Variants in CSMD3 observed in about 807,000 individuals in gnomAD.
CSMD3 encodes the protein CUB and Sushi multiple domains 3, also known as CUB and sushi domain-containing protein 3.
CSMD3 carries 177 observed loss-of-function variants against 435.2 expected under a neutral mutation model. That is an observed-to-expected ratio of 0.41 (90% CI 0.36 to 0.46). The LOEUF is 0.46. CSMD3 is among the 20% of genes least tolerant of loss of function. The pLI is 0.34. For missense variants in CSMD3, 4,265 were observed against 4,504.6 expected (o/e 0.95, Z 1.52); for synonymous variants, 1,656 against 1,520.5 (o/e 1.09, Z -2.07).
At chr8:113,052,738 A>G (rs1209536852) in intron 5 of CSMD3, among the ~76,000 whole-genome samples, 1 of 152,192 alleles carries the variant, frequency 6.6e-6, no homozygotes, top group Non-Finnish European at 1.5e-5. Context: ...TTATCATACT[A>G]CTGCACTGCA....
intron 4 of CSMD3, among the ~76,000 whole-genome samples, chr8:113,145,488 G>C (rs1055994720): frequency 6.6e-6 from 1 of 151,512 alleles, no homozygotes; most frequent in African/African-American, 2.4e-5. Flanking sequence ...TTTATCATTA[G>C]TGTTGCCATG....
chr8:113,029,557 A>T lies in CSMD3; in HGVS notation c.918-10378T>A, dbSNP rs1288728834. On this transcript the variant is annotated intron_variant, in intron 5 of 70. Transcript: ENST00000297405. ...TCATCACAATAGATGCAGCAAAAAC[A>T]TTCAACAAGATCCAGCATCCATTTA... is the stretch of plus-strand genomic sequence containing the variant. 2.0e-5 allele frequency among the ~76,000 whole-genome samples: 3 copies of T among 151,616 alleles called. 1 individual carries two copies. Among genetic ancestry groups the T allele is most frequent in the Non-Finnish European group, 4.4e-5 (3 of 67,764 alleles).
At chr8:113,184,680 A>C (rs2092472624) in intron 3 of CSMD3, among the ~76,000 whole-genome samples, 1 of 152,060 alleles carries the variant, frequency 6.6e-6, no homozygotes, top group African/African-American at 2.4e-5. Flanking sequence ...TTAGTCTATC[A>C]TATTGTATGA....
intron 27 of CSMD3, among the ~76,000 whole-genome samples, chr8:112,530,666 G>T (rs1825436992): frequency 6.6e-6 from 1 of 152,152 alleles, no homozygotes; most frequent in Admixed American, 6.6e-5. Context: ...TGAAATGAAA[G>T]GATTCTACAC....
chr8:112,472,482 A>T, intron 32 of CSMD3, 109 bp downstream of exon 32: 1 of 754,472 alleles, frequency 1.3e-6, no homozygotes, highest in Non-Finnish European at 2.4e-6. Flanking sequence ...TGCATAGTAA[A>T]ATACTTTATG....
intron 4 of CSMD3, among the ~76,000 whole-genome samples, chr8:113,144,089 A>G (rs956065790): frequency 1.4e-4 from 21 of 150,348 alleles, no homozygotes; most frequent in African/African-American, 4.8e-4. Flanking sequence ...ATTTATAGTT[A>G]TTTTTATTAT....
intron 7 of CSMD3, among the ~76,000 whole-genome samples, chr8:112,960,242 A>G (rs1403203296): frequency 3.3e-5 from 5 of 151,516 alleles, no homozygotes; most frequent in African/African-American, 1.2e-4. Context: ...GAACATACTT[A>G]TCACAGAGGC....
rs2130276579 is a variant in CSMD3 at position 112,255,320 on chromosome 8, C to G, written c.9970G>C (p.Val3324Leu). The G allele has an allele frequency of 6.2e-7, 1 of 1,613,546 alleles. No individual in the cohort carries two copies. The highest frequency in any genetic ancestry group is 8.5e-7 in the Non-Finnish European group (1 of 1,179,662). Residue 3324 changes from valine (V) to leucine (L), a missense_variant, in exon 62 of 71, where the codon GTG (valine) becomes CTG (leucine). Physicochemically the swap from Val to Leu is conservative, Grantham distance 32. Transcript: ENST00000297405. ...TGACATATTCTGGTGCTTGATCCCA[C>G]TAATATGAAAGGAAAATTGCAGCTG... The part of the protein sequence containing the change: ...SFSCNFPFIL[V>L]GSSTRICQAD...
chr8:113,265,759 G>A (rs1588404463), intron 3 of CSMD3, among the ~76,000 whole-genome samples: 2 of 151,554 alleles, frequency 1.3e-5, no homozygotes, highest in Admixed American at 6.6e-5. Context: ...TTAGAAGGTA[G>A]AGAGATACTC....
chr8:112,671,274 T>G (rs1405557713), intron 16 of CSMD3, among the ~76,000 whole-genome samples: 9 of 152,048 alleles, frequency 5.9e-5, no homozygotes, highest in Non-Finnish European at 1.3e-4. Flanking sequence ...ACCTTTGAAA[T>G]GTACATTTTC....
chr8:112,518,917 G>C lies in CSMD3; in HGVS notation c.4565-1692C>G, dbSNP rs536557110. 9.4e-4 allele frequency among the ~76,000 whole-genome samples: 143 copies of C among 152,130 alleles called. 1 individual carries two copies. The highest frequency in any genetic ancestry group is 1.2e-3 in the Non-Finnish European group (79 of 68,000). ...CATCTTACCATGGCAGAGAAGGAGA[G>C]AGAGAGTGAAGGGGAAAGTGCCACA... On this transcript the variant is annotated intron_variant, in intron 27 of 70. Transcript: ENST00000297405.
chr8:112,765,675 G>T (rs2077960368), intron 13 of CSMD3, among the ~76,000 whole-genome samples: 1 of 151,598 alleles, frequency 6.6e-6, no homozygotes, highest in Admixed American at 6.6e-5. Context: ...TTATTTGCTA[G>T]AATTTTTTCC....
intron 1 of CSMD3, among the ~76,000 whole-genome samples, chr8:113,393,595 G>T (rs75021499): frequency 0.014 from 2,108 of 152,108 alleles, 22 homozygotes; most frequent in Admixed American, 0.023. Context: ...ACCAATTCTC[G>T]TTAAGTTACT....
At chr8:112,382,096 T>C (rs1356582314) in intron 37 of CSMD3, among the ~76,000 whole-genome samples, 3 of 151,856 alleles carry the variant, frequency 2.0e-5, no homozygotes, top group Non-Finnish European at 4.4e-5. Context: ...CTAGGCAACA[T>C]AGCGAGACCT....
In CSMD3 at chr8:112,366,646, C is replaced by A. The variant is rs187096067; in HGVS notation, c.6136+13706G>T. On this transcript the variant is annotated intron_variant, in intron 38 of 70. Coordinates refer to ENST00000297405, the MANE Select transcript of CSMD3 (RefSeq NM_198123.2). Reference sequence around the variant, plus strand: ...CTCCTGACCTCAGGTGATTTGCCCGCCTTGGCCTCCCAAAGTGCTGGGATT... The same window carrying A: ...CTCCTGACCTCAGGTGATTTGCCCGACTTGGCCTCCCAAAGTGCTGGGATT... 5.3e-5 allele frequency among the ~76,000 whole-genome samples: 8 copies of A among 152,290 alleles called. No individual in the cohort carries two copies. In the East Asian group the frequency reaches 1.5e-3, roughly 29 times the overall value.
intron 4 of CSMD3, among the ~76,000 whole-genome samples, chr8:113,165,310 T>C (rs189045090): frequency 8.1e-4 from 123 of 152,322 alleles, no homozygotes; most frequent in Non-Finnish European, 1.3e-3. Context: ...TTTATAAAAT[T>C]CTGTTTTAAT....
intron 27 of CSMD3, among the ~76,000 whole-genome samples, chr8:112,533,909 C>T (rs188220281): frequency 6.6e-6 from 1 of 152,136 alleles, no homozygotes; most frequent in African/African-American, 2.4e-5. Flanking sequence ...ATATTTGAAT[C>T]ATCTTTTCTG....
chr8:112,294,030 C>A (rs749908280), intron 54 of CSMD3, among the ~76,000 whole-genome samples: 14 of 151,898 alleles, frequency 9.2e-5, no homozygotes, highest in Non-Finnish European at 1.9e-4. Context: ...AAGAACATAT[C>A]CAGGGCAGAC....
At chr8:112,838,753 T>C (rs231319) in intron 11 of CSMD3, among the ~76,000 whole-genome samples, 123,085 of 151,576 alleles carry the variant, frequency 0.81, 50,203 homozygotes, top group African/African-American at 0.88. Flanking sequence ...GCTTTTGTGG[T>C]ATGTATTATA....
Sources: gnomAD v4.1 joint callset for allele counts (sites outside exome capture counted in the v4.1 genomes callset) on GRCh38, gnomAD v4.1.1 for gene constraint, MANE v1.5 for transcripts, NCBI Gene and HGNC (gene_info 2026-07-23, HGNC 2026-07-21) for gene names.